REC114: variants seen among roughly 807,000 people sequenced by gnomAD.
REC114 encodes the protein REC114 meiotic recombination protein.
A neutral mutation model predicts 31.3 loss-of-function variants in REC114; 27 were observed. The observed-to-expected ratio is 0.86, with a 90% CI of 0.64 to 1.19. REC114 has a LOEUF of 1.19. REC114 is among the 50% of genes most tolerant of loss of function. The probability of loss-of-function intolerance (pLI) is 0.00; values close to 1 mark genes in which losing one functional copy is unlikely to be tolerated. For synonymous variants in REC114, 134 were observed against 127.7 expected, an observed-to-expected ratio of 1.05 and a Z score of -0.33; for missense variants, 344 against 326.9, an observed-to-expected ratio of 1.05 and a Z score of -0.40.
chr15:73,486,152 C>T (rs779960976), intron 2 of REC114, among the ~76,000 whole-genome samples: 5 of 152,100 alleles, frequency 3.3e-5, no homozygotes, highest in Non-Finnish European at 7.4e-5. Context: ...GGCTGAAGTG[C>T]GATGGCGCAA....
chr15:73,552,092 G>GT (rs1487824105), intron 4 of REC114, among the ~76,000 whole-genome samples: 2 of 152,230 alleles, frequency 1.3e-5, no homozygotes, highest in Non-Finnish European at 2.9e-5. Context: ...ATTCAAAAGT[G>GT]TAAGATAGGC....
chr15:73,474,960 G>T (rs1477926490), intron 2 of REC114, among the ~76,000 whole-genome samples: 1 of 152,142 alleles, frequency 6.6e-6, no homozygotes, highest in Non-Finnish European at 1.5e-5. Context: ...AGCATGCGTT[G>T]TACTATTTTG....
chr15:73,461,213 C>T (rs753611787), intron 1 of REC114, among the ~76,000 whole-genome samples: 1 of 151,682 alleles, frequency 6.6e-6, no homozygotes, highest in Non-Finnish European at 1.5e-5. Context: ...ATTTTATTGT[C>T]TGGTAATTGG....
intron 2 of REC114, among the ~76,000 whole-genome samples, chr15:73,535,835 T>G (rs1362580627): frequency 2.6e-5 from 4 of 151,674 alleles, no homozygotes; most frequent in Non-Finnish European, 4.4e-5. Context: ...GAGATATAGA[T>G]CAATGGAACA....
intron 1 of REC114, among the ~76,000 whole-genome samples, chr15:73,462,578 A>G (rs949197355): frequency 1.3e-5 from 2 of 152,168 alleles, no homozygotes; most frequent in Non-Finnish European, 2.9e-5. Context: ...CGTATGCATC[A>G]TCTAGCTTTA....
In REC114 at chr15:73,498,854, A is replaced by G. The variant is rs16957934; in HGVS notation, c.249+24933A>G. On this transcript the variant is annotated intron_variant, in intron 2 of 5. Coordinates refer to ENST00000331090, the MANE Select transcript of REC114 (RefSeq NM_001042367.2). ...GTATAAAAGTGAACGTTAGGCGTTG[A>G]AGCTATTAAGGGATACTATTTTGTG... 8.9e-3 allele frequency among the ~76,000 whole-genome samples: 1,359 copies of G among 152,298 alleles called. 21 individuals are homozygous for G. The highest frequency in any genetic ancestry group is 0.031 in the African/African-American group (1,281 of 41,558).
At chr15:73,525,027 C>T (rs1893987263) in intron 2 of REC114, among the ~76,000 whole-genome samples, 1 of 152,208 alleles carries the variant, frequency 6.6e-6, no homozygotes, top group African/African-American at 2.4e-5. Flanking sequence ...ACAATCAAAG[C>T]AGTGGCTAGA....
At chr15:73,465,408 C>T (rs1419829112) in intron 1 of REC114, among the ~76,000 whole-genome samples, 1 of 152,126 alleles carries the variant, frequency 6.6e-6, no homozygotes. Flanking sequence ...CTGGAATTCT[C>T]CTCCCCCAGC....
At chr15:73,470,517 A>C (rs1330857470) in intron 1 of REC114, among the ~76,000 whole-genome samples, 1 of 152,194 alleles carries the variant, frequency 6.6e-6, no homozygotes, top group Admixed American at 6.5e-5. Flanking sequence ...CCTTCATTTA[A>C]AAGTTCTTAT....
intron 5 of REC114, among the ~76,000 whole-genome samples, chr15:73,558,599 G>A (rs764400722): frequency 1.3e-5 from 2 of 152,184 alleles, no homozygotes; most frequent in East Asian, 1.9e-4. Flanking sequence ...TTAAGACCAC[G>A]ATGAGACATC....
chr15:73,500,365 A>AAC (rs915688424), intron 2 of REC114, among the ~76,000 whole-genome samples: 1 of 151,882 alleles, frequency 6.6e-6, no homozygotes, highest in Non-Finnish European at 1.5e-5. Flanking sequence ...AAAAAAAAAA[A>AAC]AAACTTGTTT....
chr15:73,452,629 A>T (rs544372002), intron 1 of REC114, among the ~76,000 whole-genome samples: 1 of 152,354 alleles, frequency 6.6e-6, no homozygotes, highest in South Asian at 2.1e-4. Context: ...ATTGGAAAAA[A>T]CTACTTTAAA....
At chr15:73,516,075 C>G (rs920569068) in intron 2 of REC114, among the ~76,000 whole-genome samples, 2 of 151,844 alleles carry the variant, frequency 1.3e-5, no homozygotes, top group African/African-American at 4.8e-5. Context: ...CAACCTCCGC[C>G]TCCCAGGTTC....
intron 2 of REC114, among the ~76,000 whole-genome samples, chr15:73,480,214 C>T (rs1412281107): frequency 3.6e-4 from 54 of 152,044 alleles, no homozygotes; most frequent in Non-Finnish European, 4.4e-5. Flanking sequence ...TTTCTTATAC[C>T]TGTTGGCCAT....
At chr15:73,481,730 C>T (rs1295689555) in intron 2 of REC114, among the ~76,000 whole-genome samples, 1 of 143,528 alleles carries the variant, frequency 7.0e-6, no homozygotes, top group Non-Finnish European at 1.5e-5. Flanking sequence ...ACAGTCTCGG[C>T]TCACCGCAAC....
chr15:73,530,130 A>G (rs780231780), intron 2 of REC114, among the ~76,000 whole-genome samples: 1 of 152,232 alleles, frequency 6.6e-6, no homozygotes, highest in African/African-American at 2.4e-5. Context: ...AGTTTGAGCT[A>G]TCTCAGTCTG....
chr15:73,471,850 A>G (rs1893137464), intron 1 of REC114, among the ~76,000 whole-genome samples: 1 of 152,238 alleles, frequency 6.6e-6, no homozygotes. Context: ...ATGAATACAC[A>G]TGCAACAACA....
chr15:73,529,051 A>T (rs2141323732), intron 2 of REC114, among the ~76,000 whole-genome samples: 1 of 152,298 alleles, frequency 6.6e-6, no homozygotes, highest in South Asian at 2.1e-4. Flanking sequence ...GATATTACGG[A>T]ATTGTTAATT....
intron 2 of REC114, among the ~76,000 whole-genome samples, chr15:73,494,203 TG>T (rs377495906): frequency 6.6e-6 from 1 of 152,320 alleles, no homozygotes; most frequent in African/African-American, 2.4e-5. Flanking sequence ...ATTTTATATT[TG>T]TTTTGGCATT....
Sources: gnomAD v4.1 joint callset for allele counts (sites outside exome capture counted in the v4.1 genomes callset) on GRCh38, gnomAD v4.1.1 for gene constraint, MANE v1.5 for transcripts, NCBI Gene and HGNC (gene_info 2026-07-23, HGNC 2026-07-21) for gene names.